CHST9: variants seen among roughly 807,000 people sequenced by gnomAD.
The protein encoded by CHST9 is carbohydrate sulfotransferase 9.
A neutral mutation model predicts 44.4 loss-of-function variants in CHST9; 41 were observed. The observed-to-expected ratio is 0.92, with a 90% CI of 0.72 to 1.20. CHST9 has a LOEUF of 1.20. Among genes scored for constraint, CHST9 ranks in the 50% most tolerant of loss-of-function variants. The pLI, the probability that CHST9 is intolerant of heterozygous loss-of-function variation, is 0.00. For synonymous variants in CHST9, 171 were observed against 178.4 expected (o/e 0.96, Z 0.33); for missense variants, 504 against 516.5 (o/e 0.98, Z 0.23).
At chr18:26,988,850 A>G (rs1276696812) in intron 4 of CHST9, among the ~76,000 whole-genome samples, 2 of 152,194 alleles carry the variant, frequency 1.3e-5, no homozygotes, top group African/African-American at 4.8e-5. Context: ...TTTTCTGGCC[A>G]TAATGGAATT....
intron 2 of CHST9, among the ~76,000 whole-genome samples, chr18:27,092,935 G>T (rs1461751348): frequency 1.3e-5 from 2 of 152,178 alleles, no homozygotes; most frequent in Non-Finnish European, 2.9e-5. Flanking sequence ...ATTTGGGGTG[G>T]AGAGTTCTAT....
intron 1 of CHST9, among the ~76,000 whole-genome samples, chr18:27,163,481 C>T (rs180760975): frequency 1.9e-4 from 29 of 152,296 alleles, no homozygotes; most frequent in Non-Finnish European, 3.7e-4. Context: ...GCTTCCTGGC[C>T]GCTTTGTTTA....
intron 2 of CHST9, among the ~76,000 whole-genome samples, chr18:27,122,871 C>T (rs1033667858): frequency 2.0e-5 from 3 of 152,038 alleles, no homozygotes; most frequent in African/African-American, 4.8e-5. Flanking sequence ...AAAAGGAAAG[C>T]ATTTTAAGTG....
intron 2 of CHST9, among the ~76,000 whole-genome samples, chr18:27,086,059 C>T (rs1292126933): frequency 6.6e-6 from 1 of 152,090 alleles, no homozygotes; most frequent in Non-Finnish European, 1.5e-5. Flanking sequence ...TAAGTGGGAG[C>T]TAAACACTGA....
chr18:27,077,007 A>G (rs569545626), intron 2 of CHST9, among the ~76,000 whole-genome samples: 1 of 152,344 alleles, frequency 6.6e-6, no homozygotes, highest in South Asian at 2.1e-4. Context: ...TCACTCTACT[A>G]GAAAAGGCAG....
chr18:27,029,173 T>C (rs566333530), intron 3 of CHST9, among the ~76,000 whole-genome samples: 9 of 152,172 alleles, frequency 5.9e-5, no homozygotes, highest in Non-Finnish European at 8.8e-5. Context: ...CAAAAGAAGA[T>C]AGAAGAAACC....
intron 1 of CHST9, among the ~76,000 whole-genome samples, chr18:27,167,641 A>C (rs890343576): frequency 6.6e-6 from 1 of 152,232 alleles, no homozygotes; most frequent in Non-Finnish European, 1.5e-5. Flanking sequence ...AAAAGAAAGA[A>C]GTTACAACAA....
At chr18:27,161,770 T>C (rs9963925) in intron 1 of CHST9, among the ~76,000 whole-genome samples, 1,712 of 152,278 alleles carry the variant, frequency 0.011, 25 homozygotes, top group African/African-American at 0.036. Flanking sequence ...TCTAAGGACT[T>C]GCTTTATGAA....
chr18:27,030,342 T>C (rs1454976914), intron 3 of CHST9, among the ~76,000 whole-genome samples: 2 of 152,262 alleles, frequency 1.3e-5, no homozygotes, highest in African/African-American at 4.8e-5. Context: ...ACTTTCTTTT[T>C]ATAAAATAGA....
chr18:27,143,313 A>G (rs545984839), intron 1 of CHST9, among the ~76,000 whole-genome samples: 1 of 152,348 alleles, frequency 6.6e-6, no homozygotes, highest in African/African-American at 2.4e-5. Context: ...TCTTAAGAAT[A>G]TATAAAGTTC....
At chr18:26,934,296 G>A (rs1392813226) in intron 5 of CHST9, 3 of 150,554 alleles carry the variant, frequency 2.0e-5, no homozygotes, top group African/African-American at 4.9e-5. Flanking sequence ...GTGCAGCGGC[G>A]CGATCTCGGC....
intron 2 of CHST9, among the ~76,000 whole-genome samples, chr18:27,088,318 A>ATTGAAATTGAATGT (rs2058032660): frequency 6.6e-6 from 1 of 151,956 alleles, no homozygotes; most frequent in African/African-American, 2.4e-5. Flanking sequence ...TTTGTACCTC[A>ATTGAAATTGAATGT]CACATTCAAT....
Position 27,089,766 on chromosome 18 carries a change from G to A in CHST9, c.122-41263C>T, listed in dbSNP as rs1055925698. 1.3e-4 allele frequency among the ~76,000 whole-genome samples: 19 copies of A among 149,994 alleles called. No homozygotes were observed. In the East Asian group the frequency reaches 3.1e-3, roughly 25 times the overall value. On this transcript the variant is annotated intron_variant, in intron 2 of 5. Transcript: ENST00000618847. ...GCAGTCCCACCAACAGTGTAAATGC[G>A]TCCCTATTTCTCCACATCCTCTGCA...
intron 4 of CHST9, among the ~76,000 whole-genome samples, chr18:26,973,884 GCTCTTGTGTTCAGACT>G (rs1171868861): frequency 6.6e-6 from 1 of 152,156 alleles, no homozygotes; most frequent in African/African-American, 2.4e-5. Context: ...TATACTGACT[GCTCTTGTGTTCAGACT>G]CTCATGCTGA....
chr18:27,039,591 T>G (rs1307030288), intron 3 of CHST9, among the ~76,000 whole-genome samples: 2 of 152,120 alleles, frequency 1.3e-5, no homozygotes, highest in South Asian at 4.1e-4. Context: ...GTGGGGACAG[T>G]TGCACAACAA....
At chr18:27,052,684 A>G (rs1195339268) in intron 2 of CHST9, among the ~76,000 whole-genome samples, 1 of 152,152 alleles carries the variant, frequency 6.6e-6, no homozygotes, top group African/African-American at 2.4e-5. Flanking sequence ...AGTTTCTCTA[A>G]TGACCAGTGA....
At position 27,037,094 on chromosome 18, in the gene CHST9, C is replaced by T. The variant is rs143967057; in HGVS notation, c.160+11371G>A. The stretch of plus-strand genomic sequence containing the variant: ...TCAATGAGTATTGATTATTGTGTCA[C>T]GTAGTATATTGCTCATACAAATTCT... On this transcript the variant is annotated intron_variant, in intron 3 of 5. Transcript: ENST00000618847. 3.5e-3 allele frequency among the ~76,000 whole-genome samples: 531 copies of T among 152,208 alleles called. 2 individuals carry two copies. Among genetic ancestry groups the T allele is most frequent in the African/African-American group, 0.012 (512 of 41,530 alleles).
intron 4 of CHST9, among the ~76,000 whole-genome samples, chr18:26,994,856 T>C (rs2056866339): frequency 6.6e-6 from 1 of 152,130 alleles, no homozygotes; most frequent in Admixed American, 6.5e-5. Flanking sequence ...CCCAAAGTGC[T>C]GGGATTACAG....
chr18:27,058,135 T>C (rs1380874842), intron 2 of CHST9, among the ~76,000 whole-genome samples: 1 of 152,200 alleles, frequency 6.6e-6, no homozygotes, highest in Non-Finnish European at 1.5e-5. Flanking sequence ...TTTAAATAGC[T>C]TTGCAAAATA....
Sources: allele counts gnomAD v4.1 joint callset (sites outside exome capture counted in the v4.1 genomes callset), GRCh38; gene constraint gnomAD v4.1.1; transcripts MANE v1.5; gene names NCBI Gene and HGNC (gene_info 2026-07-23, HGNC 2026-07-21).